The following BNC2 variants were observed in gnomAD, a reference collection of about 807,000 sequenced individuals.
BNC2 encodes the protein zinc finger protein basonuclin-2.
BNC2 carries 20 observed loss-of-function variants against 76.3 expected under a neutral mutation model. That is an observed-to-expected ratio of 0.26 (90% CI 0.18 to 0.38). BNC2 has a LOEUF of 0.38. Ranked by LOEUF, BNC2 falls within the 10% of genes least tolerant of loss-of-function variation. BNC2 has a pLI of 1.00. For synonymous variants in BNC2, 582 were observed against 514.8 expected, an observed-to-expected ratio of 1.13 and a Z score of -1.77; for missense variants, 1,382 against 1,399.8, an observed-to-expected ratio of 0.99 and a Z score of 0.20.
At chr9:16,706,124 C>G (rs1823664891) in intron 3 of BNC2, among the ~76,000 whole-genome samples, 1 of 152,112 alleles carries the variant, frequency 6.6e-6, no homozygotes, top group Non-Finnish European at 1.5e-5. Context: ...TCATGTAGCC[C>G]TTTATAACCA....
rs1365846964 is a variant in BNC2 at position 16,726,558 on chromosome 9, TTAAAA to T, written c.330+1234_330+1238del. 7.4e-3 allele frequency among the ~76,000 whole-genome samples: 763 copies of T among 103,190 alleles called. 13 individuals carry two copies. The highest frequency in any genetic ancestry group is 0.035 in the African/African-American group (689 of 19,768). The allele number at this position is 103,190 out of a possible 152,430, so 67.7% of individuals were successfully genotyped here. On this transcript the variant is annotated intron_variant, in intron 3 of 6. Transcript: ENST00000380672. ...GTGAACTCTTACAAACAAAAGCTTT[TTAAAA>T]AAAAAAAAAAAAAAAGCAGTTGCAG...
At chr9:16,778,870 G>T (rs1029169283) in intron 1 of BNC2, among the ~76,000 whole-genome samples, 3 of 152,184 alleles carry the variant, frequency 2.0e-5, no homozygotes, top group Non-Finnish European at 2.9e-5. Flanking sequence ...AGGGTCTGAT[G>T]TGAAGGCAGC....
chr9:16,779,130 A>AGAAAAG (rs1554729001), intron 1 of BNC2, among the ~76,000 whole-genome samples: 71 of 87,636 alleles, frequency 8.1e-4, no homozygotes, highest in East Asian at 5.1e-3. Context: ...AAAAAAAAAA[A>AGAAAAG]AAAAGAAAAG....
intron 5 of BNC2, among the ~76,000 whole-genome samples, chr9:16,447,098 TTTTAATA>T (rs1372818785): frequency 2.6e-5 from 4 of 152,198 alleles, no homozygotes; most frequent in African/African-American, 2.4e-5. Flanking sequence ...TAAAGACACA[TTTTAATA>T]TTTAATAAGA....
chr9:16,566,274 G>A (rs912749144), intron 4 of BNC2, among the ~76,000 whole-genome samples: 1 of 152,094 alleles, frequency 6.6e-6, no homozygotes, highest in African/African-American at 2.4e-5. Context: ...CTGTTGGATG[G>A]ATGAACACAG....
intron 1 of BNC2, among the ~76,000 whole-genome samples, chr9:16,824,396 C>T (rs538461486): frequency 1.3e-5 from 2 of 152,120 alleles, no homozygotes; most frequent in South Asian, 4.2e-4. Context: ...GTTTGTATGC[C>T]TTCTTTCTAA....
intron 1 of BNC2, among the ~76,000 whole-genome samples, chr9:16,802,975 A>G (rs2254330): frequency 0.43 from 65,701 of 152,080 alleles, 17,693 homozygotes; most frequent in East Asian, 0.87. Flanking sequence ...TGGTTGGTAA[A>G]ATAGAGTAGA....
chr9:16,576,340 A>C (rs1363756218), intron 4 of BNC2, among the ~76,000 whole-genome samples: 1 of 152,204 alleles, frequency 6.6e-6, no homozygotes, highest in Non-Finnish European at 1.5e-5. Context: ...CAGAATGAGC[A>C]TGATATCACA....
intron 3 of BNC2, among the ~76,000 whole-genome samples, chr9:16,677,578 A>C (rs10116237): frequency 0.02 from 2,792 of 139,294 alleles, 157 homozygotes; most frequent in African/African-American, 0.074. Context: ...GTCTCAAACA[A>C]ACACACACAC....
chr9:16,817,233 G>A (rs185301694), intron 1 of BNC2, among the ~76,000 whole-genome samples: 15 of 151,334 alleles, frequency 9.9e-5, no homozygotes, highest in African/African-American at 3.6e-4. Flanking sequence ...GTGCTGTAAG[G>A]AATAAGAGGA....
chr9:16,794,949 A>G (rs1817605333), intron 1 of BNC2, among the ~76,000 whole-genome samples: 2 of 152,060 alleles, frequency 1.3e-5, no homozygotes, highest in South Asian at 4.2e-4. Flanking sequence ...GCCTTTAGTG[A>G]TAAGTTCATG....
chr9:16,573,991 G>C (rs905355613), intron 4 of BNC2, among the ~76,000 whole-genome samples: 1 of 152,152 alleles, frequency 6.6e-6, no homozygotes, highest in Non-Finnish European at 1.5e-5. Context: ...AGAGGGGAGA[G>C]GAGTTAGAAG....
At chr9:16,578,413 T>A (rs1413871801) in intron 4 of BNC2, among the ~76,000 whole-genome samples, 4 of 152,200 alleles carry the variant, frequency 2.6e-5, no homozygotes, top group Non-Finnish European at 4.4e-5. Context: ...AACCTTTACA[T>A]CATGCCTCCT....
chr9:16,485,604 A>T (rs1037952178), intron 5 of BNC2, among the ~76,000 whole-genome samples: 3 of 152,176 alleles, frequency 2.0e-5, no homozygotes, highest in African/African-American at 7.2e-5. Flanking sequence ...CCAAAAAATT[A>T]AAATTAAAAA....
chr9:16,780,430 G>A (rs929250655), intron 1 of BNC2, among the ~76,000 whole-genome samples: 10 of 151,484 alleles, frequency 6.6e-5, no homozygotes, highest in African/African-American at 2.4e-4. Flanking sequence ...AAATTATCTG[G>A]GCGTAGTGGC....
chr9:16,747,017 C>T (rs916606072), intron 1 of BNC2, among the ~76,000 whole-genome samples: 1 of 151,138 alleles, frequency 6.6e-6, no homozygotes, highest in Non-Finnish European at 1.5e-5. Flanking sequence ...TTCCACCTAA[C>T]AGATATTAAA....
intron 5 of BNC2, among the ~76,000 whole-genome samples, chr9:16,451,681 C>A (rs1821342932): frequency 1.3e-5 from 2 of 152,156 alleles, no homozygotes; most frequent in Admixed American, 6.5e-5. Flanking sequence ...CTGAAATTAA[C>A]CTCTCCATGA....
chr9:16,595,331 T>C (rs1820036477), intron 3 of BNC2, among the ~76,000 whole-genome samples: 1 of 152,150 alleles, frequency 6.6e-6, no homozygotes, highest in Non-Finnish European at 1.5e-5. Flanking sequence ...AGCAAAGGAA[T>C]CATACCTGTT....
At chr9:16,537,299 C>T (rs755863630) in intron 5 of BNC2, among the ~76,000 whole-genome samples, 1 of 152,062 alleles carries the variant, frequency 6.6e-6, no homozygotes, top group Non-Finnish European at 1.5e-5. Context: ...TGAGTACATA[C>T]GGTTTCCTTG....
Sources: gnomAD v4.1 joint callset for allele counts (sites outside exome capture counted in the v4.1 genomes callset) on GRCh38, gnomAD v4.1.1 for gene constraint, MANE v1.5 for transcripts, NCBI Gene and HGNC (gene_info 2026-07-23, HGNC 2026-07-21) for gene names.